Variants in TMTC1 observed in about 807,000 individuals in gnomAD.
The protein encoded by TMTC1 is transmembrane O-mannosyltransferase targeting cadherins 1, also known as protein O-mannosyl-transferase TMTC1.
Under a neutral mutation model 104.8 loss-of-function variants are expected in TMTC1, and 73 were observed. That is an observed-to-expected ratio of 0.70 (90% CI 0.58 to 0.85). TMTC1 has a LOEUF of 0.85. Among genes scored for constraint, TMTC1 ranks in the 40% least tolerant of loss-of-function variants. The probability of loss-of-function intolerance (pLI) is 0.00; values close to 1 mark genes in which losing one functional copy is unlikely to be tolerated. For missense variants in TMTC1, 1,035 were observed against 1,096.1 expected (o/e 0.94, Z 0.79); for synonymous variants, 434 against 428.7 (o/e 1.01, Z -0.15).
intron 5 of TMTC1, among the ~76,000 whole-genome samples, chr12:29,732,353 T>A (rs1249248029): frequency 6.6e-6 from 1 of 152,072 alleles, no homozygotes; most frequent in African/African-American, 2.4e-5. Context: ...AGAAACACAA[T>A]GTATATTTCA....
Position 29,583,610 on chromosome 12 carries a change from G to A in TMTC1, c.1251-36C>T, listed in dbSNP as rs369345032. The A allele has an allele frequency of 6.3e-6, 10 of 1,587,612 alleles. No individual in the cohort carries two copies. The African/African-American group carries it at 1.2e-4, about 19-fold the overall frequency. On this transcript the variant is annotated intron_variant, in intron 7 of 17. Transcript: ENST00000539277. ...GGGTGGAAGGAACGGGATTACTTTG[G>A]GGGTGCAATAGCTTCCCCCCAGAAT...
At chr12:29,661,370 T>C in intron 5 of TMTC1, 2 of 975,408 alleles carry the variant, frequency 2.1e-6, no homozygotes, top group Non-Finnish European at 2.4e-6. Flanking sequence ...ACCTCACAGA[T>C]CTCTTACCTC....
chr12:29,570,501 T>C (rs1416325765), intron 9 of TMTC1, among the ~76,000 whole-genome samples: 6 of 152,222 alleles, frequency 3.9e-5, no homozygotes, highest in Non-Finnish European at 5.9e-5. Context: ...ATTCTTGTAA[T>C]ATTTGGGAAA....
chr12:29,632,079 T>C (rs1231031593), intron 6 of TMTC1, among the ~76,000 whole-genome samples: 1 of 152,196 alleles, frequency 6.6e-6, no homozygotes, highest in African/African-American at 2.4e-5. Flanking sequence ...CCCTTTCATA[T>C]TTCTCTTGCT....
intron 11 of TMTC1, among the ~76,000 whole-genome samples, chr12:29,530,148 T>C (rs759938568): frequency 7.2e-5 from 11 of 152,146 alleles, no homozygotes; most frequent in African/African-American, 1.7e-4. Context: ...AATAAAATCC[T>C]AAGTCCCCAA....
chr12:29,583,417 A>T lies in TMTC1; in HGVS notation c.1408T>A (p.Ser470Thr), dbSNP rs770785293. 2 of 1,613,738 alleles carry T rather than the reference A, an allele frequency of 1.2e-6. No individual in the cohort carries two copies. Among genetic ancestry groups the T allele is most frequent in the African/African-American group, 2.7e-5 (2 of 74,900 alleles). The change falls in exon 8 of 18, where the codon TCC becomes ACC. Residue 470 changes from serine (S) to threonine (T), a missense_variant. Transcript: ENST00000539277. ...TCTGTCTAGTCATACCTGAATAGGG[A>T]CTCTCTTGACAGCCAAATTTCATTC... is the stretch of plus-strand genomic sequence containing the variant. ...KQNEIWLSRE[S>T]LFRSGVQTLP...
chr12:29,727,558 A>G (rs1402599445), intron 5 of TMTC1, among the ~76,000 whole-genome samples: 1 of 151,868 alleles, frequency 6.6e-6, no homozygotes, highest in Non-Finnish European at 1.5e-5. Context: ...TTGTATTTTC[A>G]GTAGAGACGG....
At chr12:29,670,623 T>C (rs190487599) in intron 5 of TMTC1, among the ~76,000 whole-genome samples, 3 of 152,238 alleles carry the variant, frequency 2.0e-5, no homozygotes, top group Admixed American at 1.3e-4. Flanking sequence ...ATCAGTGACA[T>C]ACATTTGAAA....
chr12:29,601,979 G>A (rs1033895367), intron 7 of TMTC1, among the ~76,000 whole-genome samples: 6 of 151,372 alleles, frequency 4.0e-5, no homozygotes, highest in African/African-American at 9.7e-5. Context: ...AGGACTACAG[G>A]CGCCCGCCAC....
intron 16 of TMTC1, among the ~76,000 whole-genome samples, chr12:29,512,888 C>A (rs1344776707): frequency 6.6e-6 from 1 of 152,130 alleles, no homozygotes; most frequent in East Asian, 1.9e-4. Flanking sequence ...AATTACAAAG[C>A]TAAGTATTTG....
chr12:29,574,078 G>T (rs951699659), intron 8 of TMTC1, among the ~76,000 whole-genome samples: 1 of 152,106 alleles, frequency 6.6e-6, no homozygotes, highest in South Asian at 2.1e-4. Context: ...GGGGCCATAG[G>T]GAGGAACAGA....
chr12:29,628,963 C>T (rs2136490168), intron 6 of TMTC1, among the ~76,000 whole-genome samples: 1 of 152,166 alleles, frequency 6.6e-6, no homozygotes, highest in African/African-American at 2.4e-5. Flanking sequence ...CGCCCGGCCT[C>T]AGGCATTCCT....
intron 5 of TMTC1, among the ~76,000 whole-genome samples, chr12:29,720,127 C>G (rs1189908933): frequency 6.6e-6 from 1 of 152,162 alleles, no homozygotes; most frequent in East Asian, 1.9e-4. Flanking sequence ...TTTGTTAGGT[C>G]ATAATGCTAT....
At chr12:29,568,830 G>A (rs571453315) in intron 9 of TMTC1, 1 of 438,104 alleles carries the variant, frequency 2.3e-6, no homozygotes, top group Non-Finnish European at 4.6e-6. Flanking sequence ...TGACTTGTTG[G>A]GTGGTCTCTG....
At chr12:29,722,963 C>T (rs899154672) in intron 5 of TMTC1, among the ~76,000 whole-genome samples, 1 of 142,014 alleles carries the variant, frequency 7.0e-6, no homozygotes, top group Non-Finnish European at 1.6e-5. Flanking sequence ...AAGAAAAGAA[C>T]TAGAAAGTTT....
intron 12 of TMTC1, among the ~76,000 whole-genome samples, 167 bp downstream of exon 12, chr12:29,520,451 T>C (rs1944116175): frequency 6.6e-6 from 1 of 152,198 alleles, no homozygotes; most frequent in African/African-American, 2.4e-5. Context: ...TGAATCGAGC[T>C]TGAAGATCTA....
At chr12:29,597,381 T>C (rs1356472897) in intron 7 of TMTC1, among the ~76,000 whole-genome samples, 9 of 151,850 alleles carry the variant, frequency 5.9e-5, no homozygotes, top group Admixed American at 2.0e-4. Context: ...GGCCAGTCCA[T>C]GTGAACGTCT....
intron 9 of TMTC1, among the ~76,000 whole-genome samples, chr12:29,565,676 G>A (rs527824670): frequency 6.3e-4 from 96 of 152,194 alleles, no homozygotes; most frequent in Non-Finnish European, 1.3e-3. Flanking sequence ...GTGAAACCCC[G>A]CCTCTACTAA....
intron 9 of TMTC1, chr12:29,568,851 T>C (rs1945589259): frequency 2.2e-6 from 1 of 453,526 alleles, no homozygotes; most frequent in Non-Finnish European, 4.4e-6. Context: ...GACTTTCTAC[T>C]CCCATCACAC....
Sources: allele counts gnomAD v4.1 joint callset (sites outside exome capture counted in the v4.1 genomes callset), GRCh38; gene constraint gnomAD v4.1.1; transcripts MANE v1.5; gene names NCBI Gene and HGNC (gene_info 2026-07-23, HGNC 2026-07-21).